Variants in CADM2 observed in about 807,000 individuals in gnomAD.
The protein encoded by CADM2 is immunoglobulin superfamily member 4D.
Under a neutral mutation model 49.8 loss-of-function variants are expected in CADM2, and 12 were observed. The observed-to-expected ratio is 0.24, with a 90% CI of 0.15 to 0.39. The LOEUF (loss-of-function observed/expected upper bound fraction) is 0.39. Among genes scored for constraint, CADM2 ranks in the 10% least tolerant of loss-of-function variants. The pLI is 1.00. For synonymous variants in CADM2, 214 were observed against 175.4 expected, an observed-to-expected ratio of 1.22 and a Z score of -1.74; for missense variants, 378 against 492.3, an observed-to-expected ratio of 0.77 and a Z score of 2.20.
At chr3:85,801,929 C>A in intron 2 of CADM2, 118 bp from the exon 3 acceptor site, 1 of 773,990 alleles carries the variant, frequency 1.3e-6, no homozygotes, top group Non-Finnish European at 2.0e-6. Flanking sequence ...ACAGTTTTGT[C>A]GTTGTTTGGT....
chr3:85,812,823 A>G (rs1577372480), intron 3 of CADM2, among the ~76,000 whole-genome samples: 1 of 152,072 alleles, frequency 6.6e-6, no homozygotes, highest in Non-Finnish European at 1.5e-5. Context: ...TCTTGTGACA[A>G]TTTGGTGAAA....
At position 85,058,408 on chromosome 3, in the gene CADM2, TTTG is replaced by T. The variant is rs978284621; in HGVS notation, c.61+98755_61+98757del. On this transcript the variant is annotated intron_variant, in intron 1 of 9. Transcript: ENST00000383699. ...TTGAGATCTCTTTGATATGTGAATT[TTTG>T]TTGTTGTTGTTGTTAAAATGACTTT... 2.4e-3 allele frequency among the ~76,000 whole-genome samples: 372 copies of T among 152,198 alleles called. 1 individual carries two copies. Among genetic ancestry groups the T allele is most frequent in the African/African-American group, 8.6e-3 (357 of 41,540 alleles).
chr3:85,294,360 C>T (rs1043607786), intron 1 of CADM2, among the ~76,000 whole-genome samples: 14 of 151,972 alleles, frequency 9.2e-5, no homozygotes, highest in African/African-American at 3.4e-4. Context: ...AATGGCCATA[C>T]TGCCCAAGGT....
At chr3:85,989,529 T>A (rs376417204) in intron 8 of CADM2, among the ~76,000 whole-genome samples, 2 of 152,176 alleles carry the variant, frequency 1.3e-5, no homozygotes, top group African/African-American at 2.4e-5. Context: ...TGCAGAGAAG[T>A]CAGCATTCTA....
intron 1 of CADM2, among the ~76,000 whole-genome samples, chr3:85,576,451 T>A (rs1313093041): frequency 2.6e-5 from 4 of 151,938 alleles, no homozygotes; most frequent in African/African-American, 4.8e-5. Context: ...TCTGACAATT[T>A]AAAAAAAATG....
intron 3 of CADM2, among the ~76,000 whole-genome samples, chr3:85,860,537 T>C (rs2075488053): frequency 6.6e-6 from 1 of 152,160 alleles, no homozygotes; most frequent in African/African-American, 2.4e-5. Flanking sequence ...TTCTCACAGT[T>C]CTGGAGGCTG....
chr3:85,077,750 G>A (rs2037003037), intron 1 of CADM2, among the ~76,000 whole-genome samples: 1 of 151,942 alleles, frequency 6.6e-6, no homozygotes, highest in African/African-American at 2.4e-5. Context: ...ACATAAAACT[G>A]TATAAAGAAA....
At chr3:85,367,855 G>GTGTA (rs1553714282) in intron 1 of CADM2, among the ~76,000 whole-genome samples, 17 of 151,422 alleles carry the variant, frequency 1.1e-4, no homozygotes, top group Non-Finnish European at 2.2e-4. Context: ...GTGTGTGTGT[G>GTGTA]TGTACCACAT....
chr3:85,166,028 T>C (rs1055316276), intron 1 of CADM2, among the ~76,000 whole-genome samples: 5 of 151,912 alleles, frequency 3.3e-5, no homozygotes, highest in Admixed American at 2.0e-4. Context: ...AAGTAAATTC[T>C]ATTAACCCAA....
chr3:85,555,741 A>G (rs2061942049), intron 1 of CADM2, among the ~76,000 whole-genome samples: 1 of 152,048 alleles, frequency 6.6e-6, no homozygotes, highest in African/African-American at 2.4e-5. Context: ...TTTTAAATCA[A>G]TTTTCTGAAG....
chr3:84,963,565 G>T (rs911235953), intron 1 of CADM2, among the ~76,000 whole-genome samples: 5 of 151,652 alleles, frequency 3.3e-5, no homozygotes, highest in Admixed American at 1.3e-4. Context: ...AGGTTTTTTT[G>T]TTTGTTTGTT....
chr3:85,801,997 ATC>A, intron 2 of CADM2, 48 bp from the exon 3 acceptor site: 1 of 1,357,806 alleles, frequency 7.4e-7, no homozygotes, highest in Admixed American at 2.4e-5. Context: ...TAGGCAGTTA[ATC>A]ATTTTATGAC....
At chr3:85,998,532 G>A (rs542528060) in intron 8 of CADM2, among the ~76,000 whole-genome samples, 93 of 152,244 alleles carry the variant, frequency 6.1e-4, no homozygotes, top group African/African-American at 2.0e-3. Context: ...AAGGTAAGCA[G>A]TCGTGAAAAT....
intron 1 of CADM2, among the ~76,000 whole-genome samples, chr3:85,373,414 A>G (rs1447455642): frequency 6.6e-6 from 1 of 152,088 alleles, no homozygotes; most frequent in Non-Finnish European, 1.5e-5. Context: ...TGACCCTATG[A>G]CTTTACAGGG....
At chr3:85,652,842 A>G (rs375718997) in intron 1 of CADM2, among the ~76,000 whole-genome samples, 1 of 125,382 alleles carries the variant, frequency 8.0e-6, no homozygotes, top group East Asian at 2.3e-4. Flanking sequence ...CAATGACATG[A>G]TCTCGGTTCA....
chr3:86,030,586 C>G (rs1166068273), intron 8 of CADM2, among the ~76,000 whole-genome samples: 1 of 151,690 alleles, frequency 6.6e-6, no homozygotes, highest in Non-Finnish European at 1.5e-5. Flanking sequence ...TCAGATTTGC[C>G]CACACAAGTG....
chr3:85,212,660 G>A (rs1339508281), intron 1 of CADM2, among the ~76,000 whole-genome samples: 1 of 151,612 alleles, frequency 6.6e-6, no homozygotes. Context: ...TTGAAAAATT[G>A]TTATAGGTAT....
chr3:85,249,488 A>T (rs2042726373), intron 1 of CADM2, among the ~76,000 whole-genome samples: 1 of 152,018 alleles, frequency 6.6e-6, no homozygotes, highest in Admixed American at 6.6e-5. Flanking sequence ...AAATGCACAG[A>T]CTATGTGATG....
chr3:85,231,956 C>T (rs12053927), intron 1 of CADM2, among the ~76,000 whole-genome samples: 14,410 of 151,494 alleles, frequency 0.095, 851 homozygotes, highest in African/African-American at 0.16. Context: ...CCCAAGTGAT[C>T]CACCCAGCTC....
Sources: allele counts gnomAD v4.1 joint callset (sites outside exome capture counted in the v4.1 genomes callset), GRCh38; gene constraint gnomAD v4.1.1; transcripts MANE v1.5; gene names NCBI Gene and HGNC (gene_info 2026-07-23, HGNC 2026-07-21).